EDAR: variants seen among roughly 807,000 people sequenced by gnomAD.
EDAR encodes ectodysplasin A receptor.
In EDAR, 38 loss-of-function variants were observed where a neutral mutation model predicts 51.3. That is an observed-to-expected ratio of 0.74 (90% CI 0.57 to 0.97). The LOEUF (loss-of-function observed/expected upper bound fraction) is 0.97, where lower values mean the gene tolerates loss of function less well. Ranked by LOEUF, EDAR falls within the 50% of genes least tolerant of loss-of-function variation. The pLI is 0.00. For missense variants in EDAR, 528 were observed against 595.0 expected, an observed-to-expected ratio of 0.89 and a Z score of 1.17; for synonymous variants, 227 against 242.1, an observed-to-expected ratio of 0.94 and a Z score of 0.58.
chr2:108,947,529 C>T (rs1442129416), intron 1 of EDAR, among the ~76,000 whole-genome samples: 4 of 152,194 alleles, frequency 2.6e-5, no homozygotes, highest in African/African-American at 9.7e-5. Flanking sequence ...CAGGCATTTT[C>T]ATACATACTC....
chr2:108,937,319 C>A (rs1697492627), intron 1 of EDAR, among the ~76,000 whole-genome samples: 1 of 152,246 alleles, frequency 6.6e-6, no homozygotes, highest in South Asian at 2.1e-4. Context: ...TCCCTGCATT[C>A]TCTCAGGCCC....
At chr2:108,951,878 A>C (rs1247041335) in intron 1 of EDAR, among the ~76,000 whole-genome samples, 1 of 152,214 alleles carries the variant, frequency 6.6e-6, no homozygotes, top group African/African-American at 2.4e-5. Context: ...GATCTTCCCA[A>C]GGTCTCTTGA....
intron 1 of EDAR, among the ~76,000 whole-genome samples, chr2:108,987,276 C>T (rs565364251): frequency 2.1e-4 from 32 of 152,326 alleles, no homozygotes; most frequent in African/African-American, 7.5e-4. Flanking sequence ...ACCCAGCTTC[C>T]ATCTGTGGGC....
chr2:108,977,086 A>G (rs1698335088), intron 1 of EDAR, among the ~76,000 whole-genome samples: 1 of 152,190 alleles, frequency 6.6e-6, no homozygotes, highest in Non-Finnish European at 1.5e-5. Flanking sequence ...TGCTGTGATC[A>G]GGACGCCAAT....
chr2:108,980,120 T>TG (rs1698395247), intron 1 of EDAR, among the ~76,000 whole-genome samples: 1 of 51,242 alleles, frequency 2.0e-5, no homozygotes, highest in African/African-American at 7.5e-5. Context: ...TGGGGTCGGG[T>TG]GGGGGGCTGG....
intron 1 of EDAR, among the ~76,000 whole-genome samples, chr2:108,972,000 G>C (rs1449145387): frequency 6.6e-6 from 1 of 152,300 alleles, no homozygotes; most frequent in Admixed American, 6.5e-5. Flanking sequence ...GCCTCCTGCC[G>C]CAGCCACTTG....
At chr2:108,923,616 G>A (rs1254764279) in intron 4 of EDAR, among the ~76,000 whole-genome samples, 163 bp from the exon 5 acceptor site, 1 of 152,244 alleles carries the variant, frequency 6.6e-6, no homozygotes, top group African/African-American at 2.4e-5. Context: ...TTTCCTTGGG[G>A]TTTCAGCCTG....
At chr2:108,954,427 G>C (rs754580503) in intron 1 of EDAR, among the ~76,000 whole-genome samples, 2 of 152,162 alleles carry the variant, frequency 1.3e-5, no homozygotes, top group Non-Finnish European at 2.9e-5. Flanking sequence ...GCAAACTTTG[G>C]ATAGGTGTGG....
At chr2:108,984,472 CCTT>C (rs1360048019) in intron 1 of EDAR, among the ~76,000 whole-genome samples, 6 of 152,146 alleles carry the variant, frequency 3.9e-5, no homozygotes, top group Admixed American at 3.3e-4. Context: ...CCTCTCCTCT[CCTT>C]CTGTTCAACC....
At chr2:108,946,319 A>T (rs946756825) in intron 1 of EDAR, among the ~76,000 whole-genome samples, 3 of 152,230 alleles carry the variant, frequency 2.0e-5, no homozygotes, top group Non-Finnish European at 2.9e-5. Flanking sequence ...CTGGGACAAC[A>T]CATATCTGAG....
At chr2:108,910,737 C>T in intron 8 of EDAR, 39 bp downstream of exon 8, 1 of 1,607,914 alleles carries the variant, frequency 6.2e-7, no homozygotes, top group Non-Finnish European at 8.5e-7. Context: ...CAGAGATGGG[C>T]ACCGTGCACA....
At chr2:108,930,264 G>T (rs779396136) in intron 2 of EDAR, 22 bp from the exon 3 acceptor site, 26 of 1,613,894 alleles carry the variant, frequency 1.6e-5, no homozygotes, top group Middle Eastern at 1.6e-4. Context: ...GGGGGGTGTT[G>T]TGGCCTCCGT....
At chr2:108,917,313 C>T (rs562473905) in intron 5 of EDAR, among the ~76,000 whole-genome samples, 29 of 152,124 alleles carry the variant, frequency 1.9e-4, no homozygotes, top group Admixed American at 2.0e-4. Flanking sequence ...AAAGTCCAGC[C>T]GGGCAGGAGG....
chr2:108,967,789 T>C (rs1205953333), intron 1 of EDAR, among the ~76,000 whole-genome samples: 2 of 152,058 alleles, frequency 1.3e-5, no homozygotes, highest in East Asian at 3.9e-4. Context: ...GCTTCATATG[T>C]GGATATTTTT....
In EDAR at chr2:108,912,690, G is replaced by T; in HGVS notation, c.517C>A (p.His173Asn). The T allele has an allele frequency of 6.3e-7, 1 of 1,595,682 alleles. No individual in the cohort carries two copies. Among genetic ancestry groups the T allele is most frequent in the Non-Finnish European group, 8.5e-7 (1 of 1,171,284 alleles). ...SGSSTLSPFQ[H>N]AHKELSGQGH... ...GCACCCTCCTCACCTTTGTGGGCGT[G>T]CTGGAAGGGAGACAGGGTGCTGCTG... The change falls in exon 6 of 12, where the codon CAC becomes AAC. Residue 173 changes from histidine to asparagine, a missense_variant. Transcript: ENST00000258443.
chr2:108,897,198 G>A lies in EDAR; in HGVS notation c.1056C>T (p.Cys352=), dbSNP rs12623957. The A allele has an allele frequency of 0.81, 1,310,602 of 1,613,426 alleles. 539,086 individuals carry two copies. Among genetic ancestry groups the A allele is most frequent in the East Asian group, 0.91 (40,798 of 44,858 alleles). ...GLSPTELPFD[C]LEKTSRMLSS... Reference sequence around the variant, plus strand: ...TGAGCATTCGGCTAGTCTTCTCGAGGCAATCAAATGGCAGCTCCGTGGGGC... The same window carrying A: ...TGAGCATTCGGCTAGTCTTCTCGAGACAATCAAATGGCAGCTCCGTGGGGC... Residue 352 remains cysteine, a synonymous_variant, in exon 12 of 12, where the codon TGC becomes TGT. Coordinates refer to ENST00000258443, the MANE Select transcript of EDAR (RefSeq NM_022336.4).
chr2:108,910,855 G>A lies in EDAR; in HGVS notation c.656-5C>T, dbSNP rs1393336446. On this transcript the variant is annotated splice_polypyrimidine_tract_variant and splice_region_variant and intron_variant, in intron 7 of 11. Transcript: ENST00000258443. ...CCGGGTGGCTGGTGCAACAGGCTGGGGAGAGAGGAGGGAGTGAGCAGCCAG... is the reference window on the plus strand; with the variant it reads ...CCGGGTGGCTGGTGCAACAGGCTGGAGAGAGAGGAGGGAGTGAGCAGCCAG... The A allele has an allele frequency of 5.0e-6, 8 of 1,614,008 alleles. No individual in the cohort carries two copies. The highest frequency in any genetic ancestry group is 1.7e-6 in the Non-Finnish European group (2 of 1,180,012).
intron 4 of EDAR, among the ~76,000 whole-genome samples, chr2:108,925,242 C>T (rs1280511250): frequency 6.6e-6 from 1 of 152,216 alleles, no homozygotes; most frequent in Non-Finnish European, 1.5e-5. Context: ...TGTCTGTAAA[C>T]ATTGGCTGAA....
intron 1 of EDAR, among the ~76,000 whole-genome samples, chr2:108,988,135 G>A (rs1004610282): frequency 6.6e-5 from 10 of 152,202 alleles, no homozygotes; most frequent in African/African-American, 9.7e-5. Flanking sequence ...CCCACTGACC[G>A]GCATCTGCCC....
Sources: allele counts gnomAD v4.1 joint callset (sites outside exome capture counted in the v4.1 genomes callset), GRCh38; gene constraint gnomAD v4.1.1; transcripts MANE v1.5; gene names NCBI Gene and HGNC (gene_info 2026-07-23, HGNC 2026-07-21).